The following ANKRD27 variants were observed in gnomAD, a reference collection of about 807,000 sequenced individuals.
ANKRD27 encodes ankyrin repeat domain-containing protein 27.
ANKRD27 carries 112 observed loss-of-function variants against 129.7 expected under a neutral mutation model. The observed-to-expected ratio is 0.86, with a 90% CI of 0.74 to 1.01. The LOEUF (loss-of-function observed/expected upper bound fraction) is 1.01, where lower values mean the gene tolerates loss of function less well. ANKRD27 is among the 50% of genes least tolerant of loss of function. The pLI is 0.00. For missense variants in ANKRD27, 1,258 were observed against 1,300.5 expected, an observed-to-expected ratio of 0.97 and a Z score of 0.50; for synonymous variants, 516 against 511.2, an observed-to-expected ratio of 1.01 and a Z score of -0.13.
Position 32,659,031 on chromosome 19 carries a change from G to A in ANKRD27, c.-16C>T, listed in dbSNP as rs371449162. The stretch of plus-strand genomic sequence containing the variant: ...ACAGAGCCATATGGACTTCAGATGG[G>A]TCAGAGCAAATCTCCTGCAATAAGG... On this transcript the variant is annotated 5_prime_UTR_variant, in exon 2 of 29. Coordinates refer to ENST00000306065, the MANE Select transcript of ANKRD27 (RefSeq NM_032139.3). The A allele has an allele frequency of 2.5e-6, 4 of 1,579,980 alleles. No homozygotes were observed. The African/African-American group carries it at 5.4e-5, about 21-fold the overall frequency.
intron 2 of ANKRD27, among the ~76,000 whole-genome samples, chr19:32,656,844 T>C (rs577837261): frequency 6.6e-6 from 1 of 151,766 alleles, no homozygotes; most frequent in African/African-American, 2.4e-5. Flanking sequence ...ATCCTCACCA[T>C]CAAGCAAAGT....
At chr19:32,655,110 T>A (rs1305298378) in intron 2 of ANKRD27, 1 of 152,250 alleles carries the variant, frequency 6.6e-6, no homozygotes, top group Non-Finnish European at 1.5e-5. Context: ...CTGCTCTATT[T>A]CCAGCATGGC....
chr19:32,646,499 G>A lies in ANKRD27; in HGVS notation c.330C>T (p.Ile110=). The A allele has an allele frequency of 6.2e-7, 1 of 1,614,160 alleles. No individual in the cohort carries two copies. Among genetic ancestry groups the A allele is most frequent in the Non-Finnish European group, 8.5e-7 (1 of 1,180,002 alleles). ...TTTCCAAAGGATGGGCTATACACAG[G>A]ATGCTGAAACTCTCTTCTTTTTCAT... ...FYNEKEESFS[I]LCIAHPLEKR... is the part of the protein sequence containing the mutation. Residue 110 remains isoleucine (I), a synonymous_variant, in exon 4 of 29, where the codon ATC becomes ATT. Transcript: ENST00000306065.
chr19:32,598,250 T>G lies in ANKRD27; in HGVS notation c.3048A>C (p.Arg1016Ser), dbSNP rs766285403. The change falls in exon 29 of 29, where the codon AGA (arginine) becomes AGC (serine). Residue 1016 changes from arginine (R) to serine (S), a missense_variant. Coordinates refer to ENST00000306065, the MANE Select transcript of ANKRD27 (RefSeq NM_032139.3). Reference protein sequence around the residue: ...PGLTQTGPGHRRMLRRHTVED... With the variant: ...PGLTQTGPGHSRMLRRHTVED... ...CTACCGTGTGTCTCCGCAGCATCCG[T>G]CTGTGTCCAGGGCCAGTCTGTGTCA... 9.9e-6 allele frequency: 16 copies of G among 1,614,138 alleles called. No homozygotes were observed. Among genetic ancestry groups the G allele is most frequent in the Non-Finnish European group, 1.3e-5 (15 of 1,180,002 alleles).
In ANKRD27 at chr19:32,604,307, C is replaced by T. The variant is rs1971697732; in HGVS notation, c.2611G>A (p.Val871Met). Residue 871 changes from valine (V) to methionine (M), a missense_variant, in exon 25 of 29, where the codon GTG (valine) becomes ATG (methionine). Coordinates refer to ENST00000306065, the MANE Select transcript of ANKRD27 (RefSeq NM_032139.3). ...LLLLHGASVQ[V>M]LNKRQRTAVD... ...GCCGTGCGCTGCCGCTTGTTCAGCA[C>T]CTGAACTGACGCTCCGTGGAGCAGA... 3.1e-6 allele frequency: 5 copies of T among 1,613,760 alleles called. No individual in the cohort carries two copies. Among genetic ancestry groups the T allele is most frequent in the African/African-American group, 1.3e-5 (1 of 74,936 alleles).
intron 15 of ANKRD27, 122 bp downstream of exon 15, chr19:32,627,961 C>G (rs1459550372): frequency 1.2e-5 from 10 of 849,614 alleles, no homozygotes; most frequent in Non-Finnish European, 1.9e-5. Flanking sequence ...GAGGGTGGAC[C>G]CACGATGCAG....
At chr19:32,643,528 G>A (rs760224426) in intron 6 of ANKRD27, 44 bp from the exon 7 acceptor site, 17 of 1,613,510 alleles carry the variant, frequency 1.1e-5, no homozygotes, top group Middle Eastern at 1.6e-4. Flanking sequence ...GGATTTGCAT[G>A]GGGGTGCACC....
At position 32,607,728 on chromosome 19, in the gene ANKRD27, G is replaced by T; in HGVS notation, c.2280C>A (p.Ile760=). The T allele has an allele frequency of 3.7e-6, 6 of 1,613,094 alleles. No homozygotes were observed. Among genetic ancestry groups the T allele is most frequent in the Non-Finnish European group, 5.1e-6 (6 of 1,179,692 alleles). Residue 760 remains isoleucine (I), a synonymous_variant, in exon 23 of 29, where the codon ATC becomes ATA. Coordinates refer to ENST00000306065, the MANE Select transcript of ANKRD27 (RefSeq NM_032139.3). ...TGGCCCCGTGCTTCAGCAGGAGGGGGATGAGGTCCGCCCGGCCGTGCAGGG... is the reference window on the plus strand; with the variant it reads ...TGGCCCCGTGCTTCAGCAGGAGGGGTATGAGGTCCGCCCGGCCGTGCAGGG... ...VAALHGRADL[I]PLLLKHGANA... is the part of the protein sequence containing the mutation.
At chr19:32,624,756 C>T (rs1972064576) in intron 17 of ANKRD27, among the ~76,000 whole-genome samples, 1 of 151,868 alleles carries the variant, frequency 6.6e-6, no homozygotes, top group African/African-American at 2.4e-5. Context: ...GCCTGGGCAA[C>T]ATGGCGAAAC....
chr19:32,611,659 G>A (rs548935747), intron 22 of ANKRD27, among the ~76,000 whole-genome samples: 8 of 152,212 alleles, frequency 5.3e-5, no homozygotes, highest in African/African-American at 1.2e-4. Flanking sequence ...TCGGCTCACC[G>A]CAACCTCCGC....
chr19:32,608,043 C>G (rs1266184321), intron 22 of ANKRD27, among the ~76,000 whole-genome samples: 1 of 151,922 alleles, frequency 6.6e-6, no homozygotes, highest in Non-Finnish European at 1.5e-5. Context: ...CTCTGTTGCC[C>G]AGGCTGGAGT....
chr19:32,639,290 C>G, intron 12 of ANKRD27, 66 bp downstream of exon 12: 4 of 1,604,650 alleles, frequency 2.5e-6, no homozygotes, highest in Non-Finnish European at 3.4e-6. Context: ...ACATACCAAC[C>G]CCAGCACCCT....
chr19:32,674,368 C>T (rs1315997645), intron 1 of ANKRD27, among the ~76,000 whole-genome samples: 2 of 152,126 alleles, frequency 1.3e-5, no homozygotes, highest in Non-Finnish European at 2.9e-5. Context: ...CAGCGAAGAC[C>T]CGTCCCTTGC....
intron 1 of ANKRD27, among the ~76,000 whole-genome samples, chr19:32,663,992 C>G (rs7248724): frequency 0.051 from 6,718 of 132,862 alleles, 555 homozygotes; most frequent in African/African-American, 0.18. Context: ...GGAGGTGGAG[C>G]TTGCAGTGAG....
At chr19:32,643,248 G>C (rs1243552136) in intron 8 of ANKRD27, 39 bp downstream of exon 8, 2 of 1,613,896 alleles carry the variant, frequency 1.2e-6, no homozygotes, top group African/African-American at 1.3e-5. Flanking sequence ...AAGCACAGAA[G>C]AAGGCTTCCA....
intron 14 of ANKRD27, 126 bp downstream of exon 14, chr19:32,628,596 A>G: frequency 8.0e-7 from 1 of 1,246,594 alleles, no homozygotes; most frequent in South Asian, 1.4e-5. Context: ...TCCACTGTAC[A>G]GCAGAGGCAG....
chr19:32,660,065 G>C (rs1967615935), intron 1 of ANKRD27, among the ~76,000 whole-genome samples: 1 of 152,172 alleles, frequency 6.6e-6, no homozygotes. Flanking sequence ...TTGGAGACCA[G>C]CCTGGACAAT....
Position 32,649,729 on chromosome 19 carries a change from A to G in ANKRD27, c.166T>C (p.Tyr56His). Residue 56 changes from tyrosine (Y) to histidine (H), a missense_variant, in exon 3 of 29, where the codon TAC becomes CAC. Coordinates refer to ENST00000306065, the MANE Select transcript of ANKRD27 (RefSeq NM_032139.3). ...SIQSTCQFESYILIPVEEHFQ... is the reference protein window; with the variant it reads ...SIQSTCQFESHILIPVEEHFQ... ...TGCTCTTCCACAGGTATCAAAATGT[A>G]GGACTCAAACTGACAAGTAGACTGG... 6.2e-7 allele frequency: 1 copy of G among 1,614,088 alleles called. No individual in the cohort carries two copies. Among genetic ancestry groups the G allele is most frequent in the Non-Finnish European group, 8.5e-7 (1 of 1,179,992 alleles).
rs750364058 is a variant in ANKRD27, at chr19:32,649,763, C to T, written c.132G>A (p.Ser44=). ...ACTGACAAGTAGACTGGATGCTGCTCGACAGGCTTCCTTTGCAGGGTACTA... is the reference window on the plus strand; with the variant it reads ...ACTGACAAGTAGACTGGATGCTGCTTGACAGGCTTCCTTTGCAGGGTACTA... ...IVLVPCKGSL[S]SSIQSTCQFE... is the part of the protein sequence containing the mutation. The change falls in exon 3 of 29, where the codon TCG becomes TCA. Residue 44 remains serine, a synonymous_variant. Coordinates refer to ENST00000306065, the MANE Select transcript of ANKRD27 (RefSeq NM_032139.3). The T allele has an allele frequency of 6.8e-6, 11 of 1,613,872 alleles. No individual in the cohort carries two copies. The highest frequency in any genetic ancestry group is 2.2e-5 in the East Asian group (1 of 44,892).
Sources: allele counts gnomAD v4.1 joint callset (sites outside exome capture counted in the v4.1 genomes callset), GRCh38; gene constraint gnomAD v4.1.1; transcripts MANE v1.5; gene names NCBI Gene and HGNC (gene_info 2026-07-23, HGNC 2026-07-21).